Variants in MEP1A observed in about 807,000 individuals in gnomAD.
MEP1A encodes the protein meprin A subunit alpha, also known as N-benzoyl-L-tyrosyl-P-amino-benzoic acid hydrolase subunit alpha.
A neutral mutation model predicts 84.5 loss-of-function variants in MEP1A; 68 were observed. That is an observed-to-expected ratio of 0.80 (90% CI 0.66 to 0.98). The LOEUF (loss-of-function observed/expected upper bound fraction) is 0.98, where lower values mean the gene tolerates loss of function less well. Ranked by LOEUF, MEP1A falls within the 50% of genes least tolerant of loss-of-function variation. The probability of loss-of-function intolerance (pLI) is 0.00; values close to 1 mark genes in which losing one functional copy is unlikely to be tolerated. For missense variants in MEP1A, 887 were observed against 919.9 expected, an observed-to-expected ratio of 0.96 and a Z score of 0.46; for synonymous variants, 337 against 336.8, an observed-to-expected ratio of 1.00 and a Z score of -0.01.
At chr6:46,807,507 TGAAATAAAGAAAGAAA>T (rs1373471136) in intron 5 of MEP1A, among the ~76,000 whole-genome samples, 2 of 74,530 alleles carry the variant, frequency 2.7e-5, no homozygotes, top group African/African-American at 1.0e-4. Context: ...GACCCCCATC[TGAAATAAAGAAAGAAA>T]GAAAGAAAGA....
At chr6:46,828,435 C>T (rs1359980716) in intron 9 of MEP1A, among the ~76,000 whole-genome samples, 2 of 152,130 alleles carry the variant, frequency 1.3e-5, no homozygotes. Flanking sequence ...GCACGTGCCT[C>T]AGTGTGAGGC....
intron 3 of MEP1A, among the ~76,000 whole-genome samples, 181 bp downstream of exon 3, chr6:46,793,897 C>T (rs1302153369): frequency 6.6e-6 from 1 of 152,084 alleles, no homozygotes; most frequent in African/African-American, 2.4e-5. Flanking sequence ...GATAGTTAGA[C>T]CAGACTTTCT....
At chr6:46,803,624 C>T (rs1767245030) in intron 5 of MEP1A, among the ~76,000 whole-genome samples, 1 of 151,460 alleles carries the variant, frequency 6.6e-6, no homozygotes, top group Admixed American at 6.6e-5. Flanking sequence ...CTACTTATTT[C>T]AGGTTTAGTT....
intron 5 of MEP1A, 86 bp downstream of exon 5, chr6:46,799,267 A>G (rs1767139942): frequency 2.3e-6 from 2 of 870,522 alleles, no homozygotes; most frequent in Admixed American, 1.8e-5. Context: ...ATTGGGAGTA[A>G]CCACCACGAT....
chr6:46,818,982 C>CTGGATGTGGTGGCACA (rs11271529), intron 6 of MEP1A, among the ~76,000 whole-genome samples: 1 of 151,774 alleles, frequency 6.6e-6, no homozygotes, highest in Non-Finnish European at 1.5e-5. Context: ...AAAACATTAT[C>CTGGATGTGGTGGCACA]TGCCTGTGGT....
chr6:46,793,466 C>T lies in MEP1A; in HGVS notation c.68C>T (p.Pro23Leu), dbSNP rs200179875. 228 of 1,610,598 alleles carry T rather than the reference C, an allele frequency of 1.4e-4. No homozygotes were observed. Among genetic ancestry groups the T allele is most frequent in the Admixed American group, 2.5e-4 (15 of 59,538 alleles). The change falls in exon 1 of 14, where the codon CCG becomes CTG. Residue 23 changes from proline to leucine, a missense_variant and splice_region_variant. Transcript: ENST00000230588. The part of the protein sequence containing the change: ...TLLFAHIAAV[P>L]IKYLPEENVH... ...CTTTTTGCCCACATAGCAGCTGTAC[C>T]GGTAAGTCGAGTCCTGCTTTTTGGA...
intron 6 of MEP1A, among the ~76,000 whole-genome samples, chr6:46,809,799 G>A (rs1767450566): frequency 6.7e-6 from 1 of 149,780 alleles, no homozygotes; most frequent in South Asian, 2.1e-4. Flanking sequence ...AGTAATACAT[G>A]GTGTGTGTGT....
chr6:46,835,132 A>C (rs553528631), intron 12 of MEP1A, 117 bp from the exon 13 acceptor site: 1 of 885,018 alleles, frequency 1.1e-6, no homozygotes, highest in East Asian at 2.7e-5. Flanking sequence ...CCACTTTTCC[A>C]TGTCACTAGG....
intron 6 of MEP1A, among the ~76,000 whole-genome samples, chr6:46,814,061 G>T (rs947404156): frequency 2.0e-5 from 3 of 152,238 alleles, no homozygotes; most frequent in African/African-American, 7.2e-5. Context: ...CATTTCCCAG[G>T]TGTTCTTTGA....
chr6:46,839,825 G>A (rs1239839462), downstream of MEP1A: 2 of 152,160 alleles, frequency 1.3e-5, no homozygotes, highest in African/African-American at 4.8e-5. Flanking sequence ...GTGCATGTGT[G>A]TGTTGAAGGG....
chr6:46,832,999 C>T (rs900368071), intron 10 of MEP1A, 75 bp from the exon 11 acceptor site: 1 of 790,530 alleles, frequency 1.3e-6, no homozygotes, highest in Non-Finnish European at 2.1e-6. Flanking sequence ...AAGCACATGG[C>T]ACTGTGCCAA....
intron 5 of MEP1A, among the ~76,000 whole-genome samples, chr6:46,806,439 G>T (rs1388561910): frequency 6.6e-6 from 1 of 151,964 alleles, no homozygotes; most frequent in African/African-American, 2.4e-5. Flanking sequence ...CTTAGTTCTG[G>T]AATATAGTCT....
chr6:46,811,861 G>C (rs1388232294), intron 6 of MEP1A, among the ~76,000 whole-genome samples: 1 of 152,010 alleles, frequency 6.6e-6, no homozygotes, highest in African/African-American at 2.4e-5. Context: ...TATGCTGTTG[G>C]ATTCAGTTCA....
At chr6:46,822,647 G>A (rs1253231920) in intron 7 of MEP1A, among the ~76,000 whole-genome samples, 1 of 152,012 alleles carries the variant, frequency 6.6e-6, no homozygotes, top group Non-Finnish European at 1.5e-5. Context: ...GGGTTCAAGC[G>A]ATTCTCATGC....
At chr6:46,798,704 G>A in intron 4 of MEP1A, 58 bp downstream of exon 4, 1 of 1,445,222 alleles carries the variant, frequency 6.9e-7, no homozygotes, top group Non-Finnish European at 9.7e-7. Flanking sequence ...CACTGGGTGT[G>A]AGTCTCTGCT....
intron 6 of MEP1A, among the ~76,000 whole-genome samples, chr6:46,813,694 T>C (rs1767560550): frequency 6.6e-6 from 1 of 152,168 alleles, no homozygotes. Flanking sequence ...ATTTTGAGGA[T>C]TTGTTTCAAG....
At position 46,839,014 on chromosome 6, in the gene MEP1A, G is replaced by C; in HGVS notation, c.2119G>C (p.Glu707Gln). ...TGGACATGCTTTCTTCTACACGGGG[G>C]AGCGCTGTCAGGCCGTGCAGGTGCA... ...ISGHAFFYTG[E>Q]RCQAVQVHGS... The change falls in exon 14 of 14, where the codon GAG becomes CAG. Residue 707 changes from glutamate to glutamine, a missense_variant. Transcript: ENST00000230588. The C allele has an allele frequency of 1.2e-6, 2 of 1,613,734 alleles. No homozygotes were observed. The highest frequency in any genetic ancestry group is 1.7e-6 in the Non-Finnish European group (2 of 1,179,726).
At chr6:46,807,747 AAAGG>A (rs58448841) in intron 5 of MEP1A, among the ~76,000 whole-genome samples, 1 of 90,092 alleles carries the variant, frequency 1.1e-5, no homozygotes, top group Non-Finnish European at 2.2e-5. Flanking sequence ...GGAGGGAAGG[AAAGG>A]AAGGAAGGAA....
chr6:46,807,530 AAG>A (rs1208515384), intron 5 of MEP1A, among the ~76,000 whole-genome samples: 4 of 34,892 alleles, frequency 1.1e-4, no homozygotes, highest in African/African-American at 6.6e-4. Flanking sequence ...GAAAGAAAGA[AAG>A]AAAGAAAGAA....
Sources: allele counts gnomAD v4.1 joint callset (sites outside exome capture counted in the v4.1 genomes callset), GRCh38; gene constraint gnomAD v4.1.1; transcripts MANE v1.5; gene names NCBI Gene and HGNC (gene_info 2026-07-23, HGNC 2026-07-21).